The following GLI2 variants were observed in gnomAD, a reference collection of about 807,000 sequenced individuals.
GLI2 encodes the protein GLI family zinc finger 2.
In GLI2, 22 loss-of-function variants were observed where a neutral mutation model predicts 78.9. The ratio of observed to expected loss-of-function variants is 0.28; its 90% CI spans 0.20 to 0.40. GLI2 has a LOEUF of 0.40. Among genes scored for constraint, GLI2 ranks in the 10% least tolerant of loss-of-function variants. The pLI is 1.00. For missense variants in GLI2, 2,097 were observed against 2,213.2 expected (o/e 0.95, Z 1.05); for synonymous variants, 974 against 963.7 (o/e 1.01, Z -0.20).
chr2:120,763,911 C>T (rs1683292802), intron 1 of GLI2, among the ~76,000 whole-genome samples: 1 of 152,186 alleles, frequency 6.6e-6, no homozygotes, highest in African/African-American at 2.4e-5. Flanking sequence ...AACAAGTGGG[C>T]CTTTTATGCT....
At chr2:120,948,025 A>G (rs1236322391) in intron 3 of GLI2, among the ~76,000 whole-genome samples, 3 of 152,198 alleles carry the variant, frequency 2.0e-5, no homozygotes, top group African/African-American at 7.2e-5. Context: ...GGATAGTGGC[A>G]TCTTCCAGCT....
chr2:120,751,595 A>G (rs1441883113), intron 1 of GLI2, among the ~76,000 whole-genome samples: 1 of 152,200 alleles, frequency 6.6e-6, no homozygotes, highest in African/African-American at 2.4e-5. Flanking sequence ...TAAAATAATT[A>G]TGAGAAAATT....
chr2:120,773,599 G>C (rs780461534), intron 1 of GLI2, among the ~76,000 whole-genome samples: 82 of 152,318 alleles, frequency 5.4e-4, no homozygotes, highest in Non-Finnish European at 9.1e-4. Context: ...GGCCCTGCGC[G>C]TCTGTTGCGT....
Position 120,992,347 on chromosome 2 carries a change from A to G in GLI2, c.*1672A>G, listed in dbSNP as rs1044326374. 1.3e-5 allele frequency: 2 copies of G among 152,256 alleles called. No individual in the cohort carries two copies. The highest frequency in any genetic ancestry group is 2.9e-5 in the Non-Finnish European group (2 of 68,052). The allele number at this position is 152,256 out of a possible 1,614,324, so 9.4% of individuals were successfully genotyped here. On this transcript the variant is annotated 3_prime_UTR_variant, in exon 14 of 14. Transcript: ENST00000361492. ...GTCCCAACCTGTATATATTCTGTACAGAAGACATCCCTGAATATACTGTAG... is the reference window on the plus strand; with the variant it reads ...GTCCCAACCTGTATATATTCTGTACGGAAGACATCCCTGAATATACTGTAG...
Position 120,982,718 on chromosome 2 carries a change from C to G in GLI2, c.1470C>G (p.Phe490Leu). The change falls in exon 11 of 14, where the codon TTC becomes TTG. Residue 490 changes from phenylalanine (F) to leucine (L), a missense_variant and splice_region_variant. Physicochemically the swap from Phe to Leu is conservative, Grantham distance 22. This residue lies in a region of GLI2 where 104 missense variants were observed against 190.6 expected (regional missense o/e 0.55). Coordinates refer to ENST00000361492, the MANE Select transcript of GLI2 (RefSeq NM_001374353.1). ...CTGACTGAACCGCCTCCTTCTAGTT[C>G]GAGGGCTGCTCGAAGGCCTACTCCC... ...HTGEKPHKCT[F>L]EGCSKAYSRL... is the part of the protein sequence containing the mutation. 1 of 1,611,796 alleles carries G rather than the reference C, an allele frequency of 6.2e-7. No individual in the cohort carries two copies. Among genetic ancestry groups the G allele is most frequent in the Non-Finnish European group, 8.5e-7 (1 of 1,178,434 alleles).
At chr2:120,811,344 A>G (rs11122819) in intron 2 of GLI2, among the ~76,000 whole-genome samples, 53,185 of 152,008 alleles carry the variant, frequency 0.35, 9,874 homozygotes, top group East Asian at 0.44. Context: ...TTTGGGTTGT[A>G]CCAGGGGTGC....
intron 1 of GLI2, among the ~76,000 whole-genome samples, chr2:120,785,781 A>C (rs1339645118): frequency 2.6e-5 from 4 of 152,114 alleles, no homozygotes; most frequent in African/African-American, 9.7e-5. Flanking sequence ...ATGGCATAAC[A>C]CTGTACTCCC....
At chr2:120,830,644 G>A (rs1293839068) in intron 2 of GLI2, among the ~76,000 whole-genome samples, 1 of 152,208 alleles carries the variant, frequency 6.6e-6, no homozygotes, top group Non-Finnish European at 1.5e-5. Context: ...CTCCAGCAGG[G>A]CAGGGGAGGG....
Position 120,989,174 on chromosome 2 carries a change from C to T in GLI2, c.3209C>T (p.Pro1070Leu). 1 of 1,613,208 alleles carries T rather than the reference C, an allele frequency of 6.2e-7. No homozygotes were observed. Among genetic ancestry groups the T allele is most frequent in the Non-Finnish European group, 8.5e-7 (1 of 1,180,008 alleles). Residue 1070 changes from proline to leucine, a missense_variant, in exon 14 of 14, where the codon CCC becomes CTC. By Grantham distance (98) the Pro-to-Leu change is moderately conservative. Coordinates refer to ENST00000361492, the MANE Select transcript of GLI2 (RefSeq NM_001374353.1). ...GACGAGGGCACCGGGCAGGTGTATC[C>T]CACGGAAAGCACTGGCTTCTCTGAC... ...ALDEGTGQVY[P>L]TESTGFSDNP...
intron 2 of GLI2, among the ~76,000 whole-genome samples, chr2:120,826,497 A>C (rs1294834089): frequency 6.6e-6 from 1 of 152,150 alleles, no homozygotes; most frequent in Non-Finnish European, 1.5e-5. Flanking sequence ...GCTGGACTGC[A>C]CTCTGGAGGA....
chr2:120,901,088 C>G (rs571694924), intron 2 of GLI2, among the ~76,000 whole-genome samples: 234 of 152,258 alleles, frequency 1.5e-3, no homozygotes, highest in African/African-American at 5.4e-3. Flanking sequence ...TGTGTATTTT[C>G]TTTCAAAATA....
At chr2:120,781,486 C>T (rs764279556) in intron 1 of GLI2, among the ~76,000 whole-genome samples, 8 of 152,204 alleles carry the variant, frequency 5.3e-5, no homozygotes, top group South Asian at 2.1e-4. Context: ...TCTTTCGCTT[C>T]GGGTCAGGAG....
At chr2:120,887,990 C>G (rs1677497524) in intron 2 of GLI2, among the ~76,000 whole-genome samples, 1 of 152,260 alleles carries the variant, frequency 6.6e-6, no homozygotes, top group South Asian at 2.1e-4. Flanking sequence ...ACCTGGCCGA[C>G]AGGCTCTTGT....
At chr2:120,952,285 C>G (rs1308471910) in intron 4 of GLI2, among the ~76,000 whole-genome samples, 1 of 152,258 alleles carries the variant, frequency 6.6e-6, no homozygotes, top group East Asian at 1.9e-4. Flanking sequence ...ATTCACGAAG[C>G]TAAGACTTGA....
chr2:120,859,754 CT>C (rs796743024), intron 2 of GLI2, among the ~76,000 whole-genome samples: 298 of 143,882 alleles, frequency 2.1e-3, no homozygotes, highest in African/African-American at 3.6e-3. Context: ...CGGGCCCGGC[CT>C]TTTTTTTTTT....
chr2:120,992,162 G>A lies in GLI2; in HGVS notation c.*1487G>A, dbSNP rs1683317735. ...TGAGGAACTTCTTAGGAGAGTTTGA[G>A]GACAAGGCCAACATCGTCATCTGGG... On this transcript the variant is annotated 3_prime_UTR_variant, in exon 14 of 14. Coordinates refer to ENST00000361492, the MANE Select transcript of GLI2 (RefSeq NM_001374353.1). The A allele has an allele frequency of 6.6e-6, 1 of 152,532 alleles. No individual in the cohort carries two copies. Among genetic ancestry groups the A allele is most frequent in the Non-Finnish European group, 1.5e-5 (1 of 68,032 alleles). 9.4% of individuals were successfully genotyped at this position (152,532 alleles called of 1,614,324 possible).
intron 8 of GLI2, 196 bp from the exon 9 acceptor site, chr2:120,974,779 A>T (rs1234530526): frequency 1.2e-5 from 8 of 649,228 alleles, no homozygotes; most frequent in African/African-American, 1.1e-4. Flanking sequence ...AAGGCTGATG[A>T]GTGTGTGTGT....
At chr2:120,881,707 GGGGAGAGGGCAGGT>G (rs1677147562) in intron 2 of GLI2, among the ~76,000 whole-genome samples, 1 of 103,410 alleles carries the variant, frequency 9.7e-6, no homozygotes, top group Admixed American at 9.5e-5. Flanking sequence ...GGAGGACAGT[GGGGAGAGGGCAGGT>G]GGGGGAGGAC....
chr2:120,983,521 G>A (rs11893646), intron 11 of GLI2, among the ~76,000 whole-genome samples: 3,276 of 152,314 alleles, frequency 0.022, 132 homozygotes, highest in African/African-American at 0.075. Context: ...GTAGCCCCCT[G>A]GCCTGTTGGC....
Sources: gnomAD v4.1 joint callset for allele counts (sites outside exome capture counted in the v4.1 genomes callset) on GRCh38, gnomAD v4.1.1 for gene constraint, gnomAD v4.1.1 regional missense constraint, MANE v1.5 for transcripts, NCBI Gene and HGNC (gene_info 2026-07-23, HGNC 2026-07-21) for gene names.